Variants in PIP4P2 observed in about 807,000 individuals in gnomAD.
The protein encoded by PIP4P2 is type 2 phosphatidylinositol 4,5-bisphosphate 4-phosphatase.
Under a neutral mutation model 33.3 loss-of-function variants are expected in PIP4P2, and 19 were observed. That is an observed-to-expected ratio of 0.57 (90% CI 0.40 to 0.84). PIP4P2 has a LOEUF of 0.84. PIP4P2 is among the 40% of genes least tolerant of loss of function. The pLI, the probability that PIP4P2 is intolerant of heterozygous loss-of-function variation, is 0.00. For missense variants in PIP4P2, 270 were observed against 324.7 expected, an observed-to-expected ratio of 0.83 and a Z score of 1.29; for synonymous variants, 110 against 111.9, an observed-to-expected ratio of 0.98 and a Z score of 0.11.
chr8:91,031,566 A>G (rs1812164636), intron 1 of PIP4P2, among the ~76,000 whole-genome samples: 1 of 152,232 alleles, frequency 6.6e-6, no homozygotes, highest in Non-Finnish European at 1.5e-5. Context: ...ATATCTCAAT[A>G]TGAGAGGAAG....
At chr8:91,022,143 A>G (rs1442412126) in intron 1 of PIP4P2, among the ~76,000 whole-genome samples, 1 of 152,148 alleles carries the variant, frequency 6.6e-6, no homozygotes, top group Non-Finnish European at 1.5e-5. Context: ...CATAACAACA[A>G]CCACCACAAA....
At chr8:91,029,751 A>T (rs984897765) in intron 1 of PIP4P2, among the ~76,000 whole-genome samples, 3 of 152,166 alleles carry the variant, frequency 2.0e-5, no homozygotes, top group African/African-American at 7.2e-5. Flanking sequence ...CAGGCAGATC[A>T]CGAGGTCAGG....
chr8:91,040,736 C>T lies in PIP4P2; in HGVS notation c.14G>A (p.Gly5Glu). 1 of 1,612,096 alleles carries T rather than the reference C, an allele frequency of 6.2e-7. No homozygotes were observed. The highest frequency in any genetic ancestry group is 8.5e-7 in the Non-Finnish European group (1 of 1,179,950). Residue 5 changes from glycine (G) to glutamate (E), a missense_variant, in exon 1 of 7, where the codon GGG becomes GAG. Coordinates refer to ENST00000285419, the MANE Select transcript of PIP4P2 (RefSeq NM_018710.3). MAAD[G>E]VDERSPLLSA... Reference sequence around the variant, plus strand: ...CAGCAGAGGCGAGCGTTCGTCCACCCCATCAGCAGCCATGACTGCGGCAGC... The same window carrying T: ...CAGCAGAGGCGAGCGTTCGTCCACCTCATCAGCAGCCATGACTGCGGCAGC...
intron 4 of PIP4P2, among the ~76,000 whole-genome samples, chr8:91,014,396 T>G (rs540024549): frequency 3.9e-5 from 6 of 152,170 alleles, no homozygotes; most frequent in Non-Finnish European, 5.9e-5. Flanking sequence ...ATGCATACAA[T>G]GAAATATTAT....
At chr8:91,008,427 T>C (rs1437547409) in intron 5 of PIP4P2, among the ~76,000 whole-genome samples, 1 of 152,280 alleles carries the variant, frequency 6.6e-6, no homozygotes, top group Middle Eastern at 3.4e-3. Context: ...GCCCATTTTA[T>C]AAATGTAAAT....
At chr8:91,001,040 G>A (rs535909461) in intron 5 of PIP4P2, among the ~76,000 whole-genome samples, 16 of 151,908 alleles carry the variant, frequency 1.1e-4, no homozygotes, top group Non-Finnish European at 2.1e-4. Flanking sequence ...ATTTCTAGAA[G>A]TTCTATTGTT....
At chr8:91,030,299 G>A (rs1812146224) in intron 1 of PIP4P2, among the ~76,000 whole-genome samples, 1 of 151,932 alleles carries the variant, frequency 6.6e-6, no homozygotes, top group Non-Finnish European at 1.5e-5. Context: ...TGGTCTTAGG[G>A]AAAAGTGTAT....
intron 1 of PIP4P2, among the ~76,000 whole-genome samples, chr8:91,035,888 G>C (rs760042778): frequency 2.6e-5 from 4 of 151,988 alleles, no homozygotes; most frequent in Non-Finnish European, 5.9e-5. Context: ...AAAATTAGAC[G>C]AGTGTGGTGG....
chr8:91,032,320 C>T (rs945270722), intron 1 of PIP4P2, among the ~76,000 whole-genome samples: 6 of 152,114 alleles, frequency 3.9e-5, no homozygotes, highest in African/African-American at 9.7e-5. Context: ...TAGAAAAGTT[C>T]AAAAGCAACA....
chr8:91,003,879 A>G (rs1811731548), intron 5 of PIP4P2, among the ~76,000 whole-genome samples: 1 of 152,132 alleles, frequency 6.6e-6, no homozygotes. Flanking sequence ...CTGGAAACCA[A>G]GAAAACAAAC....
intron 5 of PIP4P2, among the ~76,000 whole-genome samples, chr8:91,000,164 A>G (rs899307916): frequency 6.6e-6 from 1 of 152,036 alleles, no homozygotes; most frequent in Admixed American, 6.6e-5. Flanking sequence ...GAAAGTTTTA[A>G]CACCAAACAT....
At chr8:91,000,889 T>A (rs1288044698) in intron 5 of PIP4P2, among the ~76,000 whole-genome samples, 1 of 152,070 alleles carries the variant, frequency 6.6e-6, no homozygotes, top group Non-Finnish European at 1.5e-5. Flanking sequence ...ATATATTTTC[T>A]CTTAATCTTA....
intron 4 of PIP4P2, among the ~76,000 whole-genome samples, chr8:91,015,401 A>G (rs920752048): frequency 1.3e-5 from 2 of 152,144 alleles, no homozygotes; most frequent in Non-Finnish European, 2.9e-5. Flanking sequence ...GCCTGCATAC[A>G]TAGAGACTCC....
intron 3 of PIP4P2, among the ~76,000 whole-genome samples, chr8:91,018,953 G>A (rs1476188543): frequency 6.6e-6 from 1 of 152,010 alleles, no homozygotes; most frequent in Non-Finnish European, 1.5e-5. Context: ...TCCTTGATGC[G>A]TATTTAATCA....
intron 3 of PIP4P2, 112 bp from the exon 4 acceptor site, chr8:91,018,625 T>C (rs1811954883): frequency 6.7e-7 from 1 of 1,493,556 alleles, no homozygotes; most frequent in Non-Finnish European, 9.0e-7. Context: ...ATAAATTAAG[T>C]GAATTAAATG....
intron 3 of PIP4P2, among the ~76,000 whole-genome samples, chr8:91,019,564 CAAAA>C (rs200004748): frequency 8.8e-6 from 1 of 113,736 alleles, no homozygotes; most frequent in African/African-American, 3.2e-5. Context: ...GACTCTGTCT[CAAAA>C]AAAAAAAAAA....
Position 90,995,699 on chromosome 8 carries a change from TA to T in PIP4P2, c.751del (p.Tyr251IlefsTer25). The stretch of plus-strand genomic sequence containing the variant: ...AGCTTATGCAAAACTGTGTTCTGGA[TA>T]ACTGACTCTTATGGCTCCCCAATAA... ...ACYWGAIRVS[Y>X]PEHSFA On this transcript the variant is annotated frameshift_variant, in exon 7 of 7. Transcript: ENST00000285419. LOFTEE classifies it high-confidence loss of function. 6.2e-7 allele frequency: 1 copy of T among 1,612,832 alleles called. No homozygotes were observed. Among genetic ancestry groups the T allele is most frequent in the South Asian group, 1.1e-5 (1 of 90,840 alleles).
chr8:91,001,257 A>G (rs1191685306), intron 5 of PIP4P2, among the ~76,000 whole-genome samples: 1 of 152,046 alleles, frequency 6.6e-6, no homozygotes, highest in Non-Finnish European at 1.5e-5. Context: ...TCTCAGGTAT[A>G]TGAGTATGGA....
In PIP4P2 at chr8:90,994,526, A is replaced by G. The variant is rs536298867; in HGVS notation, c.*1151T>C. The G allele has an allele frequency of 6.5e-6, 1 of 152,682 alleles. No homozygotes were observed. The highest frequency in any genetic ancestry group is 6.5e-5 in the Admixed American group (1 of 15,302). The allele number at this position is 152,682 out of a possible 1,614,324, so 9.5% of individuals were successfully genotyped here. A position where few individuals can be genotyped will look rare whatever the true frequency, so the allele number is the denominator to read the frequency against. ...ATTTAAAGACTGTAGAACATTTGTG[A>G]TTAAGCAATTTCTTTTTCAAAACTG... On this transcript the variant is annotated 3_prime_UTR_variant, in exon 7 of 7. Coordinates refer to ENST00000285419, the MANE Select transcript of PIP4P2 (RefSeq NM_018710.3).
Sources: allele counts gnomAD v4.1 joint callset (sites outside exome capture counted in the v4.1 genomes callset), GRCh38; gene constraint gnomAD v4.1.1; transcripts MANE v1.5; gene names NCBI Gene and HGNC (gene_info 2026-07-23, HGNC 2026-07-21).